Variants in MTDH observed in about 807,000 individuals in gnomAD.
MTDH encodes protein LYRIC.
In MTDH, 34 loss-of-function variants were observed where a neutral mutation model predicts 72.7. That is an observed-to-expected ratio of 0.47 (90% CI 0.36 to 0.62). The LOEUF (loss-of-function observed/expected upper bound fraction) is 0.62, where lower values mean the gene tolerates loss of function less well. Among genes scored for constraint, MTDH ranks in the 20% least tolerant of loss-of-function variants. The pLI, the probability that MTDH is intolerant of heterozygous loss-of-function variation, is 0.00. For missense variants in MTDH, 677 were observed against 699.4 expected, an observed-to-expected ratio of 0.97 and a Z score of 0.36; for synonymous variants, 266 against 268.9, an observed-to-expected ratio of 0.99 and a Z score of 0.10.
chr8:97,691,362 ATAAG>A (rs1055455975), intron 6 of MTDH, among the ~76,000 whole-genome samples, 174 bp downstream of exon 6: 1 of 152,226 alleles, frequency 6.6e-6, no homozygotes, highest in African/African-American at 2.4e-5. Flanking sequence ...TGGGAATTAA[ATAAG>A]TAAATAACAT....
At chr8:97,682,276 A>G (rs1164944790) in intron 2 of MTDH, among the ~76,000 whole-genome samples, 2 of 4,106 alleles carry the variant, frequency 4.9e-4, no homozygotes, top group African/African-American at 1.6e-3. Context: ...ATATATATAT[A>G]TATATTTTTT....
intron 8 of MTDH, among the ~76,000 whole-genome samples, chr8:97,708,014 G>T (rs1212246945): frequency 6.6e-6 from 1 of 151,654 alleles, no homozygotes; most frequent in African/African-American, 2.4e-5. Context: ...TGTCACTCAG[G>T]CTGGAGTTCA....
At chr8:97,646,922 C>T (rs1479547885) in intron 1 of MTDH, among the ~76,000 whole-genome samples, 1 of 152,170 alleles carries the variant, frequency 6.6e-6, no homozygotes, top group Non-Finnish European at 1.5e-5. Flanking sequence ...CTGCAACCCA[C>T]AATAAGAAAT....
In MTDH at chr8:97,726,082, T is replaced by C. The variant is rs1815339921; in HGVS notation, c.*1412T>C. The stretch of plus-strand genomic sequence containing the variant: ...ATCCAATGTTGTCATTATATTTGAC[T>C]GTGGTTCAACAGTATTGCGTTGTCA... On this transcript the variant is annotated 3_prime_UTR_variant, in exon 12 of 12. Transcript: ENST00000336273. The C allele has an allele frequency of 6.5e-6, 1 of 152,672 alleles. No homozygotes were observed. The highest frequency in any genetic ancestry group is 1.5e-5 in the Non-Finnish European group (1 of 68,038). The allele number at this position is 152,672 out of a possible 1,614,324, so 9.5% of individuals were successfully genotyped here.
Position 97,644,247 on chromosome 8 carries a change from A to G in MTDH, c.-260A>G. The G allele has an allele frequency of 2.0e-6, 1 of 491,948 alleles. No individual in the cohort carries two copies. The highest frequency in any genetic ancestry group is 3.7e-5 in the East Asian group (1 of 26,890). The allele number at this position is 491,948 out of a possible 1,614,324, so 30.5% of individuals were successfully genotyped here. ...TGGCGCTGGCGCCGAGACGCCGCTTAGCGGCCGCCACTGGAGACACTCCCT... is the reference window on the plus strand; with the variant it reads ...TGGCGCTGGCGCCGAGACGCCGCTTGGCGGCCGCCACTGGAGACACTCCCT... On this transcript the variant is annotated 5_prime_UTR_variant, in exon 1 of 12. Coordinates refer to ENST00000336273, the MANE Select transcript of MTDH (RefSeq NM_178812.4).
At chr8:97,658,538 A>G (rs1279830355) in intron 1 of MTDH, among the ~76,000 whole-genome samples, 3 of 152,234 alleles carry the variant, frequency 2.0e-5, no homozygotes, top group Admixed American at 6.5e-5. Flanking sequence ...AATAATTTCT[A>G]ATCTTCCTAG....
At chr8:97,716,446 C>T (rs1365856240) in intron 9 of MTDH, among the ~76,000 whole-genome samples, 2 of 151,704 alleles carry the variant, frequency 1.3e-5, no homozygotes, top group African/African-American at 4.8e-5. Flanking sequence ...ATCCCAGCAC[C>T]TGTGAGGCCG....
Position 97,706,795 on chromosome 8 carries a change from A to G in MTDH, c.1272+45A>G, listed in dbSNP as rs745489156. 19 of 1,586,324 alleles carry G rather than the reference A, an allele frequency of 1.2e-5. No homozygotes were observed. In the Admixed American group the frequency reaches 3.1e-4, roughly 26 times the overall value. ...GGGTGTTTATTTGTTAATGAAAGAG[A>G]CAGGCTGGGCACAGTGGCTCACGCC... On this transcript the variant is annotated intron_variant, in intron 8 of 11. Coordinates refer to ENST00000336273, the MANE Select transcript of MTDH (RefSeq NM_178812.4).
rs1443835371 is a variant in MTDH at position 97,726,424 on chromosome 8, A to T, written c.*1754A>T. 2 of 152,288 alleles carry T rather than the reference A, an allele frequency of 1.3e-5. No individual in the cohort carries two copies. Among genetic ancestry groups the T allele is most frequent in the Non-Finnish European group, 2.9e-5 (2 of 68,036 alleles). 9.4% of individuals were successfully genotyped at this position (152,288 alleles called of 1,614,324 possible). On this transcript the variant is annotated 3_prime_UTR_variant, in exon 12 of 12. Transcript: ENST00000336273. ...GTTAGCTTTACATAGGTGTTGGAGG[A>T]TTCCTAAGGTGTCAGCATTTTGTAA...
At chr8:97,687,773 C>T (rs1813426438) in intron 4 of MTDH, among the ~76,000 whole-genome samples, 168 bp downstream of exon 4, 2 of 152,152 alleles carry the variant, frequency 1.3e-5, no homozygotes, top group South Asian at 2.1e-4. Context: ...TTACCGAATA[C>T]CAGCAGTGTT....
chr8:97,692,534 A>G (rs569162718), intron 6 of MTDH, among the ~76,000 whole-genome samples: 1 of 149,696 alleles, frequency 6.7e-6, no homozygotes, highest in African/African-American at 2.5e-5. Context: ...CACCAAACTC[A>G]GCTAATTATT....
chr8:97,683,400 T>G (rs1249195434), intron 2 of MTDH, among the ~76,000 whole-genome samples: 1 of 151,850 alleles, frequency 6.6e-6, no homozygotes, highest in Non-Finnish European at 1.5e-5. Flanking sequence ...TTGTTTGTTT[T>G]TTGGAGTTTT....
rs1046101692 is a variant in MTDH, at chr8:97,685,339, T to TA, written c.484-1321dup. 3.3e-5 allele frequency among the ~76,000 whole-genome samples: 5 copies of TA among 152,208 alleles called. No homozygotes were observed. The East Asian group carries it at 5.8e-4, about 18-fold the overall frequency. Reference sequence around the variant, plus strand: ...CAATGCAAATCAATTATGAGGTCAGTAAAAAAAATTTATTTTTTTAATGTA... The same window carrying TA: ...CAATGCAAATCAATTATGAGGTCAGTAAAAAAAAATTTATTTTTTTAATGTA... On this transcript the variant is annotated intron_variant, in intron 2 of 11. Coordinates refer to ENST00000336273, the MANE Select transcript of MTDH (RefSeq NM_178812.4).
At chr8:97,656,301 CTT>C (rs34020581) in intron 1 of MTDH, among the ~76,000 whole-genome samples, 9,753 of 117,340 alleles carry the variant, frequency 0.083, 279 homozygotes, top group East Asian at 0.21. Flanking sequence ...ATTAAGCATA[CTT>C]TTTTTTTTTT....
At chr8:97,690,400 A>G (rs1563548654) in intron 5 of MTDH, among the ~76,000 whole-genome samples, 2 of 152,328 alleles carry the variant, frequency 1.3e-5, no homozygotes, top group African/African-American at 2.4e-5. Context: ...AAAAAACAAC[A>G]TGTACACACA....
At chr8:97,690,851 T>A in intron 5 of MTDH, 101 bp from the exon 6 acceptor site, 1 of 814,346 alleles carries the variant, frequency 1.2e-6, no homozygotes, top group Non-Finnish European at 1.9e-6. Flanking sequence ...GTAGGGGAAG[T>A]GAGTAATAAA....
At chr8:97,701,865 C>A (rs375363111) in intron 7 of MTDH, among the ~76,000 whole-genome samples, 23 of 152,294 alleles carry the variant, frequency 1.5e-4, no homozygotes, top group East Asian at 1.3e-3. Context: ...CATGTATCCA[C>A]AGGATTCTAT....
chr8:97,689,728 A>G (rs1259915941), intron 5 of MTDH, among the ~76,000 whole-genome samples: 2 of 145,822 alleles, frequency 1.4e-5, no homozygotes, highest in Non-Finnish European at 3.0e-5. Flanking sequence ...TTTTTGGGAA[A>G]TGGAATTTCA....
chr8:97,706,717 A>G lies in MTDH; in HGVS notation c.1239A>G (p.Leu413=), dbSNP rs1357324032. Residue 413 remains leucine, a synonymous_variant, in exon 8 of 12, where the codon CTA becomes CTG. Coordinates refer to ENST00000336273, the MANE Select transcript of MTDH (RefSeq NM_178812.4). ...TAGACGAAGAAAGAGCTTCACTTCT[A>G]AAGTCCCAGGAACCAATTCCTGATG... The part of the protein sequence containing the change: ...NWVDEERASL[L]KSQEPIPDDQ... 2 of 1,613,960 alleles carry G rather than the reference A, an allele frequency of 1.2e-6. No individual in the cohort carries two copies. The highest frequency in any genetic ancestry group is 1.7e-6 in the Non-Finnish European group (2 of 1,179,930).
Sources: allele counts gnomAD v4.1 joint callset (sites outside exome capture counted in the v4.1 genomes callset), GRCh38; gene constraint gnomAD v4.1.1; transcripts MANE v1.5; gene names NCBI Gene and HGNC (gene_info 2026-07-23, HGNC 2026-07-21).